The following SLC9C1 variants were observed in gnomAD, a reference collection of about 807,000 sequenced individuals.
SLC9C1 encodes the protein solute carrier family 9 member C1.
SLC9C1 carries 97 observed loss-of-function variants against 140.9 expected under a neutral mutation model. The observed-to-expected ratio is 0.69, with a 90% CI of 0.58 to 0.82. The LOEUF (loss-of-function observed/expected upper bound fraction) is 0.82, where lower values mean the gene tolerates loss of function less well. Among genes scored for constraint, SLC9C1 ranks in the 40% least tolerant of loss-of-function variants. SLC9C1 has a pLI of 0.00. For missense variants in SLC9C1, 1,340 were observed against 1,389.3 expected (o/e 0.96, Z 0.56); for synonymous variants, 440 against 442.6 (o/e 0.99, Z 0.07).
intron 28 of SLC9C1, among the ~76,000 whole-genome samples, chr3:112,146,172 T>G (rs1171226871): frequency 6.6e-6 from 1 of 152,156 alleles, no homozygotes; most frequent in Non-Finnish European, 1.5e-5. Context: ...AACGTCACCT[T>G]TGTCATTTCT....
At position 112,169,038 on chromosome 3, in the gene SLC9C1, T is replaced by G. The variant is rs1159344829; in HGVS notation, c.3076A>C (p.Lys1026Gln). The G allele has an allele frequency of 1.3e-6, 2 of 1,595,092 alleles. No homozygotes were observed. Among genetic ancestry groups the G allele is most frequent in the Admixed American group, 1.8e-5 (1 of 55,596 alleles). The stretch of plus-strand genomic sequence containing the variant: ...TCTACTACATAAATATTAGAGAGCT[T>G]TAGTTGCATATTGTAGTTCCAATCC... ...YEDWNYNMQLKLSNIYVVDIP... is the reference protein window; with the variant it reads ...YEDWNYNMQLQLSNIYVVDIP... Residue 1026 changes from lysine to glutamine, a missense_variant, in exon 25 of 29, where the codon AAG becomes CAG. Coordinates refer to ENST00000305815, the MANE Select transcript of SLC9C1 (RefSeq NM_183061.3).
intron 7 of SLC9C1, among the ~76,000 whole-genome samples, chr3:112,267,444 C>A (rs562653044): frequency 6.6e-6 from 1 of 151,444 alleles, no homozygotes; most frequent in Non-Finnish European, 1.5e-5. Flanking sequence ...GGCGTCGTGG[C>A]GGGCACCTGT....
At chr3:112,181,327 C>A (rs2077435627) in intron 21 of SLC9C1, among the ~76,000 whole-genome samples, 1 of 152,126 alleles carries the variant, frequency 6.6e-6, no homozygotes, top group African/African-American at 2.4e-5. Context: ...TAATGGCATG[C>A]ATATGTCATA....
chr3:112,148,164 G>T (rs1288216605), intron 28 of SLC9C1, among the ~76,000 whole-genome samples: 2 of 151,930 alleles, frequency 1.3e-5, no homozygotes, highest in Non-Finnish European at 2.9e-5. Context: ...TCATTTCCTG[G>T]ATTGTTTTAA....
At chr3:112,165,969 G>C (rs934959694) in intron 26 of SLC9C1, among the ~76,000 whole-genome samples, 1 of 152,202 alleles carries the variant, frequency 6.6e-6, no homozygotes, top group African/African-American at 2.4e-5. Flanking sequence ...CTAAGCAATG[G>C]CGGGTCCCCC....
intron 28 of SLC9C1, among the ~76,000 whole-genome samples, chr3:112,145,917 C>T (rs1307560443): frequency 6.6e-6 from 1 of 152,130 alleles, no homozygotes; most frequent in Non-Finnish European, 1.5e-5. Context: ...GCTGTCTTCT[C>T]TTGTCTGCCA....
At chr3:112,174,031 G>C (rs1293197649) in intron 23 of SLC9C1, among the ~76,000 whole-genome samples, 1 of 152,148 alleles carries the variant, frequency 6.6e-6, no homozygotes, top group Admixed American at 6.5e-5. Context: ...AAATGTAAAT[G>C]GTTAGTGATC....
intron 13 of SLC9C1, among the ~76,000 whole-genome samples, chr3:112,228,270 G>A (rs551139049): frequency 1.3e-4 from 20 of 152,046 alleles, no homozygotes; most frequent in East Asian, 5.8e-4. Context: ...ACTGATTTTC[G>A]ACAAAGCCAT....
intron 20 of SLC9C1, among the ~76,000 whole-genome samples, chr3:112,192,516 G>A (rs1303096817): frequency 6.6e-6 from 1 of 151,968 alleles, no homozygotes; most frequent in East Asian, 1.9e-4. Flanking sequence ...ACACTTGGGT[G>A]GTGTCTACCT....
chr3:112,230,251 C>T (rs2078785872), intron 13 of SLC9C1, among the ~76,000 whole-genome samples: 1 of 152,136 alleles, frequency 6.6e-6, no homozygotes, highest in Non-Finnish European at 1.5e-5. Context: ...ATTTAGAAAG[C>T]CTGCCTTTGT....
intron 6 of SLC9C1, among the ~76,000 whole-genome samples, chr3:112,274,171 C>T (rs1489595786): frequency 5.3e-5 from 8 of 152,078 alleles, no homozygotes; most frequent in African/African-American, 1.9e-4. Flanking sequence ...AATGACTTTT[C>T]TAGGAGGAAG....
At chr3:112,275,208 G>A (rs540208679) in intron 5 of SLC9C1, among the ~76,000 whole-genome samples, 183 bp from the exon 6 acceptor site, 40 of 152,238 alleles carry the variant, frequency 2.6e-4, no homozygotes, top group Middle Eastern at 3.4e-3. Flanking sequence ...TTATGTAAGT[G>A]AGATAATCAA....
chr3:112,173,610 T>A (rs1477079872), intron 23 of SLC9C1, among the ~76,000 whole-genome samples: 2 of 152,224 alleles, frequency 1.3e-5, no homozygotes, highest in Admixed American at 1.3e-4. Flanking sequence ...AAGGACATGA[T>A]CTCATTCTTT....
intron 13 of SLC9C1, among the ~76,000 whole-genome samples, chr3:112,224,619 A>C (rs1178333667): frequency 6.6e-6 from 1 of 152,012 alleles, no homozygotes; most frequent in East Asian, 1.9e-4. Flanking sequence ...ATAACTGAAC[A>C]GAAATATTGG....
At chr3:112,240,510 G>T (rs140276768) in intron 11 of SLC9C1, among the ~76,000 whole-genome samples, 3 of 152,286 alleles carry the variant, frequency 2.0e-5, no homozygotes, top group Non-Finnish European at 4.4e-5. Context: ...ATGTGGGTGG[G>T]CCTCATCCAA....
At chr3:112,207,993 C>G (rs2078102019) in intron 16 of SLC9C1, among the ~76,000 whole-genome samples, 185 bp downstream of exon 16, 2 of 152,144 alleles carry the variant, frequency 1.3e-5, no homozygotes, top group Admixed American at 6.5e-5. Flanking sequence ...ATCAGTGCTT[C>G]AAGTATGCAT....
At chr3:112,182,565 A>G (rs576304027) in intron 20 of SLC9C1, among the ~76,000 whole-genome samples, 4 of 152,320 alleles carry the variant, frequency 2.6e-5, no homozygotes, top group South Asian at 2.1e-4. Flanking sequence ...CCTCTTAGGT[A>G]GTTTTCCCTA....
At chr3:112,180,916 C>A (rs1245902578) in intron 21 of SLC9C1, among the ~76,000 whole-genome samples, 2 of 152,062 alleles carry the variant, frequency 1.3e-5, no homozygotes, top group Admixed American at 1.3e-4. Flanking sequence ...CGACCATGCC[C>A]AGCTAATTTT....
intron 13 of SLC9C1, among the ~76,000 whole-genome samples, chr3:112,222,130 A>G (rs2078557630): frequency 1.3e-5 from 2 of 152,196 alleles, no homozygotes; most frequent in Admixed American, 1.3e-4. Flanking sequence ...TATGTTTAAA[A>G]CAATATTAAA....
Sources: gnomAD v4.1 joint callset for allele counts (sites outside exome capture counted in the v4.1 genomes callset) on GRCh38, gnomAD v4.1.1 for gene constraint, MANE v1.5 for transcripts, NCBI Gene and HGNC (gene_info 2026-07-23, HGNC 2026-07-21) for gene names.